The following FAM171A1 variants were observed in gnomAD, a reference collection of about 807,000 sequenced individuals.
FAM171A1 encodes the protein protein FAM171A1.
Under a neutral mutation model 74.9 loss-of-function variants are expected in FAM171A1, and 23 were observed. The ratio of observed to expected loss-of-function variants is 0.31; its 90% CI spans 0.22 to 0.44. The LOEUF is 0.44. Ranked by LOEUF, FAM171A1 falls within the 20% of genes least tolerant of loss-of-function variation. FAM171A1 has a pLI of 1.00. For missense variants in FAM171A1, 1,162 were observed against 1,159.2 expected, an observed-to-expected ratio of 1.00 and a Z score of -0.03; for synonymous variants, 527 against 505.7, an observed-to-expected ratio of 1.04 and a Z score of -0.57.
intron 1 of FAM171A1, among the ~76,000 whole-genome samples, chr10:15,324,250 TC>T (rs1835522393): frequency 1.3e-5 from 2 of 152,082 alleles, no homozygotes; most frequent in African/African-American, 2.4e-5. Context: ...CCTTCCTTTC[TC>T]CGTCTTTTCC....
At chr10:15,331,881 A>ATATATATATATATATG (rs1554755869) in intron 1 of FAM171A1, among the ~76,000 whole-genome samples, 2 of 90,692 alleles carry the variant, frequency 2.2e-5, no homozygotes, top group African/African-American at 9.0e-5. Context: ...GTGTGTATAC[A>ATATATATATATATATG]TATATATATA....
chr10:15,273,715 C>T (rs1033201524), intron 3 of FAM171A1, among the ~76,000 whole-genome samples: 8 of 152,190 alleles, frequency 5.3e-5, no homozygotes, highest in Non-Finnish European at 8.8e-5. Context: ...CTCTGGGATG[C>T]AAGACTGGTT....
intron 5 of FAM171A1, among the ~76,000 whole-genome samples, chr10:15,224,517 C>T (rs192382702): frequency 3.3e-5 from 5 of 152,276 alleles, no homozygotes; most frequent in Admixed American, 6.5e-5. Context: ...CAGATCTCAT[C>T]TTGAATTGTA....
At chr10:15,245,177 T>C (rs966293633) in intron 5 of FAM171A1, among the ~76,000 whole-genome samples, 2 of 152,190 alleles carry the variant, frequency 1.3e-5, no homozygotes, top group Non-Finnish European at 2.9e-5. Context: ...GTGATTCTCC[T>C]GCCTCAGCCT....
chr10:15,269,280 T>C (rs1032022213), intron 3 of FAM171A1, among the ~76,000 whole-genome samples: 1 of 151,650 alleles, frequency 6.6e-6, no homozygotes. Flanking sequence ...TACACAGATT[T>C]TTTTTCATTT....
intron 3 of FAM171A1, among the ~76,000 whole-genome samples, chr10:15,271,662 C>T (rs570958350): frequency 1.0e-3 from 153 of 152,256 alleles, no homozygotes; most frequent in African/African-American, 3.6e-3. Flanking sequence ...AAGGGAAGCC[C>T]ATCAGACTAA....
rs776538448 is a variant in FAM171A1 at position 15,214,461 on chromosome 10, G to A, written c.1127C>T (p.Pro376Leu). 36 of 1,614,166 alleles carry A rather than the reference G, an allele frequency of 2.2e-5. No individual in the cohort carries two copies. The highest frequency in any genetic ancestry group is 2.7e-5 in the Non-Finnish European group (32 of 1,180,038). ...GCGGCCGTGGCTGGTGACGGACAGC[G>A]GGCCAGGGAATTCTGACGCTCGGCG... ...FSRRASEFPGPLSVTSHGRPE... is the reference protein window; with the variant it reads ...FSRRASEFPGLLSVTSHGRPE... The change falls in exon 8 of 8, where the codon CCG (proline) becomes CTG (leucine). Residue 376 changes from proline (P) to leucine (L), a missense_variant. Physicochemically the swap from Pro to Leu is moderately conservative, Grantham distance 98. Transcript: ENST00000378116.
intron 1 of FAM171A1, among the ~76,000 whole-genome samples, chr10:15,292,741 CT>C (rs766594778): frequency 2.0e-5 from 3 of 152,158 alleles, no homozygotes; most frequent in Non-Finnish European, 2.9e-5. Flanking sequence ...CCGTCTCGTC[CT>C]CCCAACATGC....
intron 2 of FAM171A1, among the ~76,000 whole-genome samples, chr10:15,282,724 T>C (rs1316334368): frequency 1.3e-5 from 2 of 152,156 alleles, no homozygotes; most frequent in African/African-American, 4.8e-5. Context: ...TATTTTATTA[T>C]TTTTTGAGAC....
At chr10:15,309,215 A>G (rs1835330784) in intron 1 of FAM171A1, among the ~76,000 whole-genome samples, 1 of 152,232 alleles carries the variant, frequency 6.6e-6, no homozygotes, top group South Asian at 2.1e-4. Flanking sequence ...AATTTAACTT[A>G]CTACTATTTT....
chr10:15,275,922 C>T lies in FAM171A1; in HGVS notation c.351G>A (p.Leu117=), dbSNP rs1834887598. The change falls in exon 3 of 8, where the codon CTG becomes CTA. Residue 117 remains leucine (L), a synonymous_variant. Coordinates refer to ENST00000378116, the MANE Select transcript of FAM171A1 (RefSeq NM_001010924.2). ...TTAGAGTGGCAGAGCGTTCTGGAAG[C>T]AGGCCAAGGCTCAGAGAGGAAAATA... ...LPVFSSLSLG[L]LPERSATLMV... 1.9e-6 allele frequency: 3 copies of T among 1,612,244 alleles called. No individual in the cohort carries two copies. Among genetic ancestry groups the T allele is most frequent in the Non-Finnish European group, 2.5e-6 (3 of 1,178,924 alleles).
chr10:15,369,745 C>T (rs1385239631), intron 1 of FAM171A1, among the ~76,000 whole-genome samples: 1 of 152,220 alleles, frequency 6.6e-6, no homozygotes, highest in East Asian at 1.9e-4. Context: ...CTCCCAGGCA[C>T]CCTGAGCATG....
intron 1 of FAM171A1, among the ~76,000 whole-genome samples, chr10:15,351,560 G>C (rs1835876749): frequency 6.6e-6 from 1 of 152,234 alleles, no homozygotes; most frequent in African/African-American, 2.4e-5. Context: ...GGTAAGGAAA[G>C]TAGGGACGAT....
chr10:15,341,979 C>G (rs986525256), intron 1 of FAM171A1, among the ~76,000 whole-genome samples: 1 of 152,162 alleles, frequency 6.6e-6, no homozygotes, highest in African/African-American at 2.4e-5. Flanking sequence ...CATCAGAATC[C>G]CAGAGTTTAT....
chr10:15,351,046 C>A (rs914590435), intron 1 of FAM171A1, among the ~76,000 whole-genome samples: 1 of 152,140 alleles, frequency 6.6e-6, no homozygotes, highest in African/African-American at 2.4e-5. Flanking sequence ...CTCCTCTGTT[C>A]CCTAACATGC....
At chr10:15,218,599 T>G (rs1833997194) in intron 6 of FAM171A1, among the ~76,000 whole-genome samples, 1 of 151,948 alleles carries the variant, frequency 6.6e-6, no homozygotes, top group African/African-American at 2.4e-5. Context: ...GTGGGTATGC[T>G]TTGTGTTATT....
chr10:15,318,075 T>C (rs574891783), intron 1 of FAM171A1, among the ~76,000 whole-genome samples: 3 of 152,138 alleles, frequency 2.0e-5, no homozygotes, highest in African/African-American at 7.2e-5. Context: ...ATTACAGGGG[T>C]GACCCATAGC....
Position 15,214,119 on chromosome 10 carries a change from T to C in FAM171A1, c.1469A>G (p.Asn490Ser), listed in dbSNP as rs1197044416. The C allele has an allele frequency of 6.2e-7, 1 of 1,614,144 alleles. No homozygotes were observed. The highest frequency in any genetic ancestry group is 1.7e-5 in the Admixed American group (1 of 60,000). ...SGNDDYRGSY[N>S]TVLSQPLFEK... ...AAATAAAGGCTGTGAGAGCACGGTGTTGTAACTACCCCTGTAGTCATCATT... is the reference window on the plus strand; with the variant it reads ...AAATAAAGGCTGTGAGAGCACGGTGCTGTAACTACCCCTGTAGTCATCATT... The change falls in exon 8 of 8, where the codon AAC becomes AGC. Residue 490 changes from asparagine to serine, a missense_variant. Transcript: ENST00000378116.
chr10:15,282,764 T>G lies in FAM171A1; in HGVS notation c.325+1114A>C, dbSNP rs187518472. 4.6e-5 allele frequency among the ~76,000 whole-genome samples: 7 copies of G among 152,242 alleles called. No individual in the cohort carries two copies. In the East Asian group the frequency reaches 1.4e-3, roughly 29 times the overall value. On this transcript the variant is annotated intron_variant, in intron 2 of 7. Coordinates refer to ENST00000378116, the MANE Select transcript of FAM171A1 (RefSeq NM_001010924.2). Reference sequence around the variant, plus strand: ...TCTTCCTCTGTCACCCAGGCTGGAGTGCAGTGGCACCATCTCAGCTCACTG... The same window carrying G: ...TCTTCCTCTGTCACCCAGGCTGGAGGGCAGTGGCACCATCTCAGCTCACTG...
Sources: allele counts gnomAD v4.1 joint callset (sites outside exome capture counted in the v4.1 genomes callset), GRCh38; gene constraint gnomAD v4.1.1; transcripts MANE v1.5; gene names NCBI Gene and HGNC (gene_info 2026-07-23, HGNC 2026-07-21).